C7orf78: variants seen among roughly 807,000 people sequenced by gnomAD.
C7orf78 encodes the protein chromosome 7 open reading frame 78, also known as putative uncharacterized protein C7orf78.
chr7:12,483,749 G>T, the C7orf78 span: 47 of 151,202 alleles, frequency 3.1e-4, no homozygotes, highest in African/African-American at 9.2e-4. Flanking sequence ...GCGGTGGCGG[G>T]CGCCTGTAAT....
the C7orf78 span, among the ~76,000 whole-genome samples, chr7:12,533,492 C>T: frequency 3.4e-5 from 5 of 148,752 alleles, no homozygotes; most frequent in African/African-American, 7.4e-5. Context: ...TGAGCCACAG[C>T]GCCCAGCCAC....
chr7:12,512,582 G>T, the C7orf78 span, among the ~76,000 whole-genome samples: 1 of 152,074 alleles, frequency 6.6e-6, no homozygotes, highest in African/African-American at 2.4e-5. Context: ...AGTTGGATTT[G>T]ATTTGCTAGC....
the C7orf78 span, chr7:12,542,175 A>C: frequency 1.3e-5 from 2 of 152,198 alleles, no homozygotes; most frequent in Non-Finnish European, 2.9e-5. Context: ...AAATAAAGGC[A>C]AGTACGTATT....
chr7:12,498,578 A>T, the C7orf78 span, among the ~76,000 whole-genome samples: 1 of 152,196 alleles, frequency 6.6e-6, no homozygotes, highest in Non-Finnish European at 1.5e-5. Flanking sequence ...GAAATATGGG[A>T]CTATGTGAAA....
the C7orf78 span, among the ~76,000 whole-genome samples, chr7:12,516,082 G>A: frequency 2.6e-5 from 4 of 152,206 alleles, no homozygotes; most frequent in African/African-American, 9.7e-5. Flanking sequence ...TCTAGGGTAT[G>A]TCAGATGTCT....
At chr7:12,500,328 G>A in the C7orf78 span, among the ~76,000 whole-genome samples, 31 of 151,278 alleles carry the variant, frequency 2.0e-4, no homozygotes, top group South Asian at 4.2e-4. Flanking sequence ...TTGATAGACC[G>A]CTAGCAAGAC....
the C7orf78 span, among the ~76,000 whole-genome samples, chr7:12,502,565 T>C: frequency 1.3e-5 from 2 of 149,754 alleles, no homozygotes; most frequent in Non-Finnish European, 3.0e-5. Flanking sequence ...ATGGCAATCA[T>C]TAAAAAGTCA....
the C7orf78 span, among the ~76,000 whole-genome samples, chr7:12,493,370 T>A: frequency 1.3e-5 from 2 of 152,146 alleles, no homozygotes; most frequent in Non-Finnish European, 2.9e-5. Context: ...TAAAATAAAA[T>A]TTAGAATCTG....
the C7orf78 span, among the ~76,000 whole-genome samples, chr7:12,510,304 C>G: frequency 2.6e-3 from 393 of 152,116 alleles, no homozygotes; most frequent in Non-Finnish European, 4.6e-3. Context: ...CCTACCTCAG[C>G]CTCCCAAGTA....
chr7:12,522,238 T>A, the C7orf78 span, among the ~76,000 whole-genome samples: 4 of 152,242 alleles, frequency 2.6e-5, no homozygotes, highest in Non-Finnish European at 5.9e-5. Context: ...TTGTACTATT[T>A]CTACTTCACC....
the C7orf78 span, among the ~76,000 whole-genome samples, chr7:12,524,981 C>CCACCAGAT: frequency 6.6e-6 from 1 of 152,056 alleles, no homozygotes; most frequent in African/African-American, 2.4e-5. Context: ...AATTGTGTAA[C>CCACCAGAT]CACCAGATGT....
chr7:12,507,086 G>A, the C7orf78 span: 6 of 334,046 alleles, frequency 1.8e-5, no homozygotes. Flanking sequence ...GGATCAGGAG[G>A]TCAAGAGATC....
chr7:12,522,979 A>G, the C7orf78 span: 18 of 398,206 alleles, frequency 4.5e-5, no homozygotes, highest in African/African-American at 3.3e-4. Flanking sequence ...AGATTCCTCC[A>G]TGTGAAAATG....
the C7orf78 span, among the ~76,000 whole-genome samples, chr7:12,535,024 A>G: frequency 6.6e-6 from 1 of 152,120 alleles, no homozygotes; most frequent in Admixed American, 6.5e-5. Flanking sequence ...GGAAGGAAAC[A>G]GATTTCATAC....
the C7orf78 span, among the ~76,000 whole-genome samples, chr7:12,509,019 T>G: frequency 6.6e-6 from 1 of 152,196 alleles, no homozygotes; most frequent in Non-Finnish European, 1.5e-5. Context: ...GCACAGTAAG[T>G]GTAATGCATT....
the C7orf78 span, among the ~76,000 whole-genome samples, chr7:12,513,995 G>A: frequency 0.19 from 28,760 of 151,832 alleles, 2,887 homozygotes; most frequent in East Asian, 0.32. Context: ...GCGAGACTCC[G>A]TCTCAAAAGA....
the C7orf78 span, among the ~76,000 whole-genome samples, chr7:12,490,764 A>G: frequency 6.6e-6 from 1 of 152,142 alleles, no homozygotes; most frequent in African/African-American, 2.4e-5. Context: ...CATACTTGCA[A>G]TCAGATTTTT....
chr7:12,488,087 A>G, the C7orf78 span, among the ~76,000 whole-genome samples: 1 of 152,106 alleles, frequency 6.6e-6, no homozygotes, highest in East Asian at 1.9e-4. Flanking sequence ...AGAAGAATAC[A>G]TATTGATTGG....
the C7orf78 span, among the ~76,000 whole-genome samples, chr7:12,506,349 T>C: frequency 7.0e-6 from 1 of 142,770 alleles, no homozygotes; most frequent in Non-Finnish European, 1.5e-5. Flanking sequence ...ACACATATGT[T>C]TATTACGGCA....
Sources: allele counts gnomAD v4.1 joint callset (sites outside exome capture counted in the v4.1 genomes callset), GRCh38; gene constraint gnomAD v4.1.1; transcripts MANE v1.5; gene names NCBI Gene and HGNC (gene_info 2026-07-23, HGNC 2026-07-21).